The following SLC2A14 variants were observed in gnomAD, a reference collection of about 807,000 sequenced individuals.
SLC2A14 encodes the protein solute carrier family 2, facilitated glucose transporter member 14.
In SLC2A14, 13 loss-of-function variants were observed where a neutral mutation model predicts 43.0. The observed-to-expected ratio is 0.30, with a 90% CI of 0.20 to 0.48. The LOEUF (loss-of-function observed/expected upper bound fraction) is 0.48. SLC2A14 is among the 20% of genes least tolerant of loss of function. SLC2A14 has a pLI of 0.99. For synonymous variants in SLC2A14, 190 were observed against 233.8 expected (o/e 0.81, Z 1.71); for missense variants, 428 against 620.4 (o/e 0.69, Z 3.29).
In SLC2A14 at chr12:7,813,998, C is replaced by T. The variant is rs1947683396; in HGVS notation, c.*318G>A. ...CCTTACTTTTCCTCTCCTATATCCT[C>T]TAGTGCGGCAATATCAGAACCCAAG... On this transcript the variant is annotated 3_prime_UTR_variant, in exon 11 of 11. Coordinates refer to ENST00000431042, the MANE Select transcript of SLC2A14 (RefSeq NM_001286234.2). The T allele has an allele frequency of 2.8e-6, 1 of 358,554 alleles. No individual in the cohort carries two copies. Among genetic ancestry groups the T allele is most frequent in the South Asian group, 3.0e-5 (1 of 33,682 alleles). 22.2% of individuals were successfully genotyped at this position (358,554 alleles called of 1,614,324 possible). A position where few individuals can be genotyped will look rare whatever the true frequency, so the allele number is the denominator to read the frequency against.
chr12:7,868,449 G>A (rs975579887), intron 2 of SLC2A14, among the ~76,000 whole-genome samples: 17 of 152,076 alleles, frequency 1.1e-4, no homozygotes, highest in African/African-American at 3.9e-4. Flanking sequence ...TCTGAGGTAT[G>A]CCTGTATTTA....
At chr12:7,830,964 A>G (rs1247197868) in intron 4 of SLC2A14, among the ~76,000 whole-genome samples, 1 of 151,932 alleles carries the variant, frequency 6.6e-6, no homozygotes. Context: ...TCTCTACTAA[A>G]AATACAAAAA....
chr12:7,825,312 T>C (rs1358441998), intron 7 of SLC2A14, among the ~76,000 whole-genome samples: 2 of 148,744 alleles, frequency 1.3e-5, no homozygotes, highest in Non-Finnish European at 3.0e-5. Context: ...AATACAAAAT[T>C]AGCTGTGTGT....
At chr12:7,835,581 C>T (rs1476739652) in intron 2 of SLC2A14, among the ~76,000 whole-genome samples, 1 of 152,204 alleles carries the variant, frequency 6.6e-6, no homozygotes, top group Admixed American at 6.5e-5. Context: ...ATGTAAATCT[C>T]AATCCTAGTT....
At chr12:7,889,277 A>G (rs1412190417) in intron 1 of SLC2A14, among the ~76,000 whole-genome samples, 1 of 127,718 alleles carries the variant, frequency 7.8e-6, no homozygotes, top group African/African-American at 3.0e-5. Flanking sequence ...CTTGTTGTCT[A>G]GGCTGGGGTG....
exon 1 of SLC2A14, chr12:7,891,126 A>G (rs1319274737): frequency 1.3e-6 from 2 of 1,533,030 alleles, no homozygotes; most frequent in Non-Finnish European, 1.7e-6. Flanking sequence ...GAGTCTTTGC[A>G]TTGTGAACAA....
Position 7,826,858 on chromosome 12 carries a change from C to CCTTTCTTTCTTTTTTTT in SLC2A14, c.864+636_864+637insAAAAAAAAGAAAGAAAG. On this transcript the variant is annotated intron_variant, in intron 7 of 10. Transcript: ENST00000431042. ...CTTTCCTTCCTTCCTTCCTTCCTTTCTTTTTTCTTTCTTTCTTTCTTTCTT... is the reference window on the plus strand; with the variant it reads ...CTTTCCTTCCTTCCTTCCTTCCTTTCCTTTCTTTCTTTTTTTTTTTTTTCTTTCTTTCTTTCTTTCTT... Among the ~76,000 whole-genome samples the CCTTTCTTTCTTTTTTTT allele has an allele frequency of 4.6e-5, 2 of 43,240 alleles. 1 individual carries two copies. Among genetic ancestry groups the CCTTTCTTTCTTTTTTTT allele is most frequent in the South Asian group, 1.6e-3 (2 of 1,260 alleles). The allele number at this position is 43,240 out of a possible 152,430, so 28.4% of individuals were successfully genotyped here. A position where few individuals can be genotyped will look rare whatever the true frequency, so the allele number is the denominator to read the frequency against.
chr12:7,873,231 C>G (rs1945338445), upstream of SLC2A14: 1 of 985,386 alleles, frequency 1.0e-6, no homozygotes, highest in Non-Finnish European at 1.2e-6. Context: ...AGGGTGTGAA[C>G]GTATCTATTT....
intron 6 of SLC2A14, 75 bp downstream of exon 6, chr12:7,828,625 GAAAA>G (rs1245403144): frequency 6.9e-7 from 1 of 1,442,026 alleles, no homozygotes; most frequent in Non-Finnish European, 9.6e-7. Flanking sequence ...GGGTACGACA[GAAAA>G]TAGATCCAGT....
At chr12:7,882,189 G>A (rs147620625) in intron 1 of SLC2A14, among the ~76,000 whole-genome samples, 6 of 152,138 alleles carry the variant, frequency 3.9e-5, no homozygotes, top group Admixed American at 2.6e-4. Context: ...AAAGTCTGTA[G>A]CTTTACTTTT....
At position 7,829,821 on chromosome 12, in the gene SLC2A14, C is replaced by T. The variant is rs1223962148; in HGVS notation, c.458G>A (p.Gly153Asp). 1.4e-5 allele frequency: 22 copies of T among 1,614,064 alleles called. No homozygotes were observed. Among genetic ancestry groups the T allele is most frequent in the Non-Finnish European group, 1.8e-5 (21 of 1,180,056 alleles). The change falls in exon 5 of 11, where the codon GGT becomes GAT. Residue 153 changes from glycine to aspartate, a missense_variant. Physicochemically the swap from Gly to Asp is moderately conservative, Grantham distance 94. Coordinates refer to ENST00000431042, the MANE Select transcript of SLC2A14 (RefSeq NM_001286234.2). ...IGEISPTALR[G>D]AFGTLNQLGI... ...CAGCTGGTTGAGAGTGCCAAAGGCACCCCTCAGGGCAGTAGGCGAGATCTC... is the reference window on the plus strand; with the variant it reads ...CAGCTGGTTGAGAGTGCCAAAGGCATCCCTCAGGGCAGTAGGCGAGATCTC...
intron 1 of SLC2A14, among the ~76,000 whole-genome samples, chr12:7,870,246 C>T (rs1945150535): frequency 6.6e-6 from 1 of 152,082 alleles, no homozygotes; most frequent in African/African-American, 2.4e-5. Context: ...CACCAACTAG[C>T]AGTTTCCCCA....
At chr12:7,876,313 A>G (rs940734655), upstream of SLC2A14, among the ~76,000 whole-genome samples, 17 of 149,536 alleles carry the variant, frequency 1.1e-4, no homozygotes, top group Admixed American at 9.4e-4. Context: ...AAGAGAGACA[A>G]CAGGGAGCTC....
chr12:7,831,322 T>A, intron 4 of SLC2A14: 1 of 315,136 alleles, frequency 3.2e-6, no homozygotes, highest in East Asian at 5.3e-5. Flanking sequence ...GGAAACCCCA[T>A]AGTTGAGCTT....
intron 7 of SLC2A14, 35 bp downstream of exon 7, chr12:7,827,460 G>A (rs201175946): frequency 3.8e-6 from 6 of 1,598,504 alleles, no homozygotes; most frequent in Admixed American, 3.4e-5. Flanking sequence ...GTGAAATATT[G>A]TAAGACACGT....
intron 10 of SLC2A14, 116 bp downstream of exon 10, chr12:7,817,715 A>C: frequency 8.7e-7 from 1 of 1,151,606 alleles, no homozygotes; most frequent in Non-Finnish European, 1.1e-6. Context: ...GCAACTGCAC[A>C]CCAGGGCGAG....
chr12:7,849,843 T>C (rs942439426), intron 2 of SLC2A14, among the ~76,000 whole-genome samples: 37 of 148,166 alleles, frequency 2.5e-4, no homozygotes, highest in African/African-American at 9.0e-4. Context: ...AGGTAGAGGT[T>C]GCAGTGAGCC....
chr12:7,875,079 T>TAAATTTAAATATTTA (rs1286015441), upstream of SLC2A14, among the ~76,000 whole-genome samples: 635 of 66,592 alleles, frequency 9.5e-3, 15 homozygotes, highest in African/African-American at 0.036. Context: ...ATATTATATT[T>TAAATTTAAATATTTA]AATATTCTAT....
intron 1 of SLC2A14, among the ~76,000 whole-genome samples, chr12:7,881,857 G>C (rs1945580188): frequency 6.6e-6 from 1 of 152,170 alleles, no homozygotes; most frequent in Non-Finnish European, 1.5e-5. Flanking sequence ...CCTGTGTCTA[G>C]CTCAGGGTTT....
Sources: allele counts gnomAD v4.1 joint callset (sites outside exome capture counted in the v4.1 genomes callset), GRCh38; gene constraint gnomAD v4.1.1; transcripts MANE v1.5; gene names NCBI Gene and HGNC (gene_info 2026-07-23, HGNC 2026-07-21).